The following CEACAM1 variants were observed in gnomAD, a reference collection of about 807,000 sequenced individuals.
CEACAM1 encodes CEA cell adhesion molecule 1.
In CEACAM1, 31 loss-of-function variants were observed where a neutral mutation model predicts 49.1. That is an observed-to-expected ratio of 0.63 (90% CI 0.47 to 0.85). CEACAM1 has a LOEUF of 0.85. CEACAM1 is among the 40% of genes least tolerant of loss of function. The probability of loss-of-function intolerance (pLI) is 0.00; values close to 1 mark genes in which losing one functional copy is unlikely to be tolerated. For missense variants in CEACAM1, 570 were observed against 645.3 expected, an observed-to-expected ratio of 0.88 and a Z score of 1.26; for synonymous variants, 244 against 247.8, an observed-to-expected ratio of 0.98 and a Z score of 0.14.
intron 5 of CEACAM1, among the ~76,000 whole-genome samples, chr19:42,513,036 AT>A (rs1334062139): frequency 1.3e-5 from 2 of 152,176 alleles, no homozygotes; most frequent in African/African-American, 4.8e-5. Context: ...GCGCTCAGCC[AT>A]TTTTAAGGCT....
At chr19:42,512,709 G>A (rs899051480) in intron 5 of CEACAM1, among the ~76,000 whole-genome samples, 1 of 139,704 alleles carries the variant, frequency 7.2e-6, no homozygotes, top group Non-Finnish European at 1.5e-5. Flanking sequence ...ACAGAGTCTT[G>A]CTCTGTCTCT....
intron 6 of CEACAM1, 56 bp from the exon 7 acceptor site, chr19:42,511,684 G>C (rs10401178): frequency 1.3e-6 from 2 of 1,553,394 alleles, no homozygotes; most frequent in Admixed American, 1.7e-5. Flanking sequence ...TCTTTGTTCC[G>C]TAAGTTAGGA....
intron 1 of CEACAM1, chr19:42,527,772 TCTTGTCAACAC>T: frequency 4.6e-6 from 1 of 216,966 alleles, no homozygotes; most frequent in Non-Finnish European, 9.1e-6. Context: ...CCTCCAGGGC[TCTTGTCAACAC>T]CTGACCTCAC....
Position 42,528,366 on chromosome 19 carries a change from G to T in CEACAM1, c.9C>A (p.His3Gln). 6.2e-7 allele frequency: 1 copy of T among 1,613,818 alleles called. No individual in the cohort carries two copies. The highest frequency in any genetic ancestry group is 8.5e-7 in the Non-Finnish European group (1 of 1,179,882). The change falls in exon 1 of 9, where the codon CAC becomes CAA. Residue 3 changes from histidine (H) to glutamine (Q), a missense_variant. By Grantham distance (24) the His-to-Gln change is conservative. Transcript: ENST00000161559. MG[H>Q]LSAPLHRVRV... ...GCACTCTGTGAAGTGGGGCTGAGAGGTGCCCCATGGTGTCTCCTGCTGGCC... is the reference window on the plus strand; with the variant it reads ...GCACTCTGTGAAGTGGGGCTGAGAGTTGCCCCATGGTGTCTCCTGCTGGCC...
rs1296842161 is a variant in CEACAM1 at position 42,508,364 on chromosome 19, A to G, written c.*745T>C. On this transcript the variant is annotated 3_prime_UTR_variant, in exon 9 of 9. Transcript: ENST00000161559. ...CCTCCCTCTCAGCACTGCCTTGAAC[A>G]GAGCCCATAAAGATATTAAAACATA... The G allele has an allele frequency of 6.6e-6, 1 of 152,330 alleles. No individual in the cohort carries two copies. The highest frequency in any genetic ancestry group is 1.5e-5 in the Non-Finnish European group (1 of 68,110). 9.4% of individuals were successfully genotyped at this position (152,330 alleles called of 1,614,324 possible).
In CEACAM1 at chr19:42,512,051, T is replaced by C. The variant is rs371068647; in HGVS notation, c.1376+299A>G. Among the ~76,000 whole-genome samples the C allele has an allele frequency of 2.0e-5, 3 of 152,298 alleles. No homozygotes were observed. The East Asian group carries it at 5.8e-4, about 29-fold the overall frequency. ...TTGCTTTCTCCTGCTGCTTCTTTCATTTTTTCATTTGTTTTCCTTCTTAGA... is the reference window on the plus strand; with the variant it reads ...TTGCTTTCTCCTGCTGCTTCTTTCACTTTTTCATTTGTTTTCCTTCTTAGA... On this transcript the variant is annotated intron_variant, in intron 6 of 8. Coordinates refer to ENST00000161559, the MANE Select transcript of CEACAM1 (RefSeq NM_001712.5).
intron 5 of CEACAM1, among the ~76,000 whole-genome samples, chr19:42,517,218 A>G (rs2041621619): frequency 6.6e-6 from 1 of 152,252 alleles, no homozygotes; most frequent in South Asian, 2.1e-4. Flanking sequence ...AGCTAAAACT[A>G]TAAAGCTCTT....
At position 42,527,084 on chromosome 19, in the gene CEACAM1, T is replaced by A; in HGVS notation, c.381A>T (p.Ser127=). The part of the protein sequence containing the change: ...TGFYTLQVIK[S]DLVNEEATGQ... ...CAGTTGCTTCTTCATTCACAAGATC[T>A]GACTTTATGACTTGTAGGGTGTAGA... The change falls in exon 2 of 9, where the codon TCA becomes TCT. Residue 127 remains serine (S), a synonymous_variant. Transcript: ENST00000161559. The A allele has an allele frequency of 6.2e-7, 1 of 1,612,590 alleles. No homozygotes were observed. Among genetic ancestry groups the A allele is most frequent in the South Asian group, 1.1e-5 (1 of 90,944 alleles).
Position 42,518,949 on chromosome 19 carries a change from G to A in CEACAM1, c.1245C>T (p.Asn415=). The A allele has an allele frequency of 6.2e-7, 1 of 1,614,174 alleles. No homozygotes were observed. The stretch of plus-strand genomic sequence containing the variant: ...AGGAAGGGGTGAGGAGTCACTTACA[G>A]TTTACGTTCAGCATGATGGGGTCGC... ...NQSDPIMLNV[N]YNALPQENGL... The change falls in exon 5 of 9, where the codon AAC becomes AAT. Residue 415 remains asparagine (N), a splice_region_variant and synonymous_variant. Coordinates refer to ENST00000161559, the MANE Select transcript of CEACAM1 (RefSeq NM_001712.5).
chr19:42,507,429 C>T lies in CEACAM1; in HGVS notation c.*1680G>A, dbSNP rs1001684515. On this transcript the variant is annotated 3_prime_UTR_variant, in exon 9 of 9. Transcript: ENST00000161559. Reference sequence around the variant, plus strand: ...CAGCATGGATGAGGGAAAGTATGCACAGTCCGTGTCAGGGTTAGAAAACCC... The same window carrying T: ...CAGCATGGATGAGGGAAAGTATGCATAGTCCGTGTCAGGGTTAGAAAACCC... 6.6e-6 allele frequency: 1 copy of T among 152,154 alleles called. No individual in the cohort carries two copies. The highest frequency in any genetic ancestry group is 2.4e-5 in the African/African-American group (1 of 41,424). 9.4% of individuals were successfully genotyped at this position (152,154 alleles called of 1,614,324 possible).
rs769266784 is a variant in CEACAM1 at position 42,527,088 on chromosome 19, T to G, written c.377A>C (p.Lys126Thr). Residue 126 changes from lysine to threonine, a missense_variant, in exon 2 of 9, where the codon AAG becomes ACG. Coordinates refer to ENST00000161559, the MANE Select transcript of CEACAM1 (RefSeq NM_001712.5). ...DTGFYTLQVI[K>T]SDLVNEEATG... Reference sequence around the variant, plus strand: ...TGCTTCTTCATTCACAAGATCTGACTTTATGACTTGTAGGGTGTAGAATCC... The same window carrying G: ...TGCTTCTTCATTCACAAGATCTGACGTTATGACTTGTAGGGTGTAGAATCC... 6 of 1,613,092 alleles carry G rather than the reference T, an allele frequency of 3.7e-6. No homozygotes were observed. In the Admixed American group the frequency reaches 1.0e-4, roughly 27 times the overall value.
At chr19:42,522,493 G>T (rs1332626023) in intron 2 of CEACAM1, among the ~76,000 whole-genome samples, 1 of 151,358 alleles carries the variant, frequency 6.6e-6, no homozygotes, top group South Asian at 2.1e-4. Flanking sequence ...CTGGCAATCC[G>T]CCCGATTCGG....
intron 3 of CEACAM1, 55 bp from the exon 4 acceptor site, chr19:42,521,576 G>T: frequency 6.3e-7 from 1 of 1,585,222 alleles, no homozygotes; most frequent in Non-Finnish European, 8.6e-7. Context: ...AGGGGAAGCT[G>T]CTGGTCTGGA....
chr19:42,521,952 G>T lies in CEACAM1; in HGVS notation c.675C>A (p.Arg225=). 2 of 1,614,260 alleles carry T rather than the reference G, an allele frequency of 1.2e-6. No homozygotes were observed. Among genetic ancestry groups the T allele is most frequent in the South Asian group, 1.1e-5 (1 of 91,092 alleles). Residue 225 remains arginine, a synonymous_variant, in exon 3 of 9, where the codon CGC becomes CGA. Coordinates refer to ENST00000161559, the MANE Select transcript of CEACAM1 (RefSeq NM_001712.5). ...CEIQNPVSAN[R]SDPVTLNVTY... is the part of the protein sequence containing the mutation. ...TGACATTCAAGGTGACTGGGTCACT[G>T]CGGTTCGCACTCACTGGGTTCTGTA...
At chr19:42,518,623 G>A (rs2041660029) in intron 5 of CEACAM1, 5 of 290,030 alleles carry the variant, frequency 1.7e-5, no homozygotes, top group South Asian at 1.6e-4. Context: ...TCAGCCTCCC[G>A]AGTAGCTGGG....
At chr19:42,524,692 C>T (rs2041845389) in intron 2 of CEACAM1, among the ~76,000 whole-genome samples, 1 of 152,006 alleles carries the variant, frequency 6.6e-6, no homozygotes, top group Admixed American at 6.6e-5. Context: ...CTGTGCAGTT[C>T]AGCTGGGATA....
At chr19:42,515,399 T>A (rs1230922116) in intron 5 of CEACAM1, among the ~76,000 whole-genome samples, 1 of 152,208 alleles carries the variant, frequency 6.6e-6, no homozygotes, top group Non-Finnish European at 1.5e-5. Flanking sequence ...GTAGGCCAGG[T>A]ACAGTGGTGT....
rs1312447951 is a variant in CEACAM1 at position 42,509,134 on chromosome 19, A to G, written c.1556T>C (p.Ile519Thr). 2 of 1,614,170 alleles carry G rather than the reference A, an allele frequency of 1.2e-6. No homozygotes were observed. Among genetic ancestry groups the G allele is most frequent in the East Asian group, 4.5e-5 (2 of 44,890 alleles). The change falls in exon 9 of 9, where the codon ATT (isoleucine) becomes ACT (threonine). Residue 519 changes from isoleucine to threonine, a missense_variant. Physicochemically the swap from Ile to Thr is moderately conservative, Grantham distance 89. Coordinates refer to ENST00000161559, the MANE Select transcript of CEACAM1 (RefSeq NM_001712.5). ...ASPSLTATEI[I>T]YSEVKKQ ...TTACTGCTTTTTTACTTCTGAATAA[A>G]TTATTTCTGTGGCTGTTAGGGATGG...
rs1233088074 is a variant in CEACAM1 at position 42,516,809 on chromosome 19, G to C, written c.1246+2139C>G. ...GCACTTTGGGAGGTGGAGGCGGGTG[G>C]ATTGCTTGAGCTCAGGAGTTTGAGA... is the stretch of plus-strand genomic sequence containing the variant. On this transcript the variant is annotated intron_variant, in intron 5 of 8. Transcript: ENST00000161559. 8.0e-6 allele frequency: 3 copies of C among 375,236 alleles called. No homozygotes were observed. The Admixed American group carries it at 1.1e-4, about 14-fold the overall frequency. The allele number at this position is 375,236 out of a possible 1,614,324, so 23.2% of individuals were successfully genotyped here.
Sources: allele counts gnomAD v4.1 joint callset (sites outside exome capture counted in the v4.1 genomes callset), GRCh38; gene constraint gnomAD v4.1.1; transcripts MANE v1.5; gene names NCBI Gene and HGNC (gene_info 2026-07-23, HGNC 2026-07-21).